ADGB: variants seen among roughly 807,000 people sequenced by gnomAD.
ADGB encodes the protein androglobin, also known as calpain-7-like protein.
Under a neutral mutation model 210.5 loss-of-function variants are expected in ADGB, and 172 were observed. The ratio of observed to expected loss-of-function variants is 0.82; its 90% CI spans 0.72 to 0.93. The LOEUF (loss-of-function observed/expected upper bound fraction) is 0.93, where lower values mean the gene tolerates loss of function less well. ADGB is among the 40% of genes least tolerant of loss of function. ADGB has a pLI of 0.00. For missense variants in ADGB, 2,025 were observed against 1,964.8 expected (o/e 1.03, Z -0.58); for synonymous variants, 658 against 662.7 (o/e 0.99, Z 0.11).
chr6:146,624,329 A>G (rs558467497), intron 1 of ADGB, among the ~76,000 whole-genome samples: 2 of 151,954 alleles, frequency 1.3e-5, no homozygotes, highest in Admixed American at 1.3e-4. Context: ...TATTTCATGG[A>G]ATTGATAACT....
intron 5 of ADGB, among the ~76,000 whole-genome samples, chr6:146,661,594 A>G (rs1775860118): frequency 6.6e-6 from 1 of 152,074 alleles, no homozygotes; most frequent in South Asian, 2.1e-4. Flanking sequence ...AAATTCAAAC[A>G]CAATATAAAA....
chr6:146,612,538 C>G (rs146999388), intron 1 of ADGB, among the ~76,000 whole-genome samples: 276 of 152,284 alleles, frequency 1.8e-3, no homozygotes, highest in Non-Finnish European at 2.7e-3. Flanking sequence ...TTCAGTTGTT[C>G]ACCTTGGCTC....
At chr6:146,697,040 G>T (rs1156738812) in intron 12 of ADGB, among the ~76,000 whole-genome samples, 1 of 152,042 alleles carries the variant, frequency 6.6e-6, no homozygotes, top group East Asian at 1.9e-4. Context: ...GTGGAAAACT[G>T]GGTGTGTCAC....
chr6:146,662,991 TATCTTA>T (rs1311249787), intron 5 of ADGB, among the ~76,000 whole-genome samples: 1 of 145,864 alleles, frequency 6.9e-6, no homozygotes, highest in African/African-American at 2.5e-5. Flanking sequence ...ATATAATATA[TATCTTA>T]ATCTTAATAA....
intron 27 of ADGB, among the ~76,000 whole-genome samples, chr6:146,758,204 T>TA (rs1354277070): frequency 3.3e-5 from 5 of 152,232 alleles, no homozygotes; most frequent in Admixed American, 3.3e-4. Context: ...TAAGACCATT[T>TA]ATCAGACATG....
chr6:146,783,601 C>T (rs962972780), intron 30 of ADGB, among the ~76,000 whole-genome samples: 5 of 152,162 alleles, frequency 3.3e-5, no homozygotes, highest in African/African-American at 9.7e-5. Flanking sequence ...AGTCAATTCT[C>T]ACCAGAATAT....
chr6:146,721,059 A>G (rs1172837877), intron 16 of ADGB, among the ~76,000 whole-genome samples: 1 of 152,004 alleles, frequency 6.6e-6, no homozygotes, highest in Non-Finnish European at 1.5e-5. Context: ...CCCATCAAAG[A>G]CCCATGCTTG....
intron 33 of ADGB, among the ~76,000 whole-genome samples, chr6:146,799,830 G>A (rs1265142112): frequency 6.6e-6 from 1 of 151,906 alleles, no homozygotes; most frequent in Non-Finnish European, 1.5e-5. Context: ...TGTTTTCTGA[G>A]ACAGAGTCTC....
intron 27 of ADGB, among the ~76,000 whole-genome samples, chr6:146,754,641 A>G (rs1777381829): frequency 3.3e-5 from 5 of 151,986 alleles, no homozygotes; most frequent in Admixed American, 3.3e-4. Context: ...TAACCTTAGC[A>G]TTTATAACAT....
chr6:146,765,390 A>G (rs544870946), intron 28 of ADGB, among the ~76,000 whole-genome samples: 5 of 152,012 alleles, frequency 3.3e-5, no homozygotes, highest in Non-Finnish European at 7.4e-5. Flanking sequence ...AGATATCTAT[A>G]TGGAACACTT....
At chr6:146,814,262 T>C (rs566363602) in intron 35 of ADGB, among the ~76,000 whole-genome samples, 1 of 152,346 alleles carries the variant, frequency 6.6e-6, no homozygotes, top group Non-Finnish European at 1.5e-5. Flanking sequence ...TAGAAGAGTC[T>C]TTTCAGACTA....
At chr6:146,703,488 G>A (rs1427004900) in intron 13 of ADGB, among the ~76,000 whole-genome samples, 4 of 151,706 alleles carry the variant, frequency 2.6e-5, no homozygotes, top group African/African-American at 9.7e-5. Flanking sequence ...CTGAAACTTT[G>A]TATCCTTTGA....
At position 146,746,241 on chromosome 6, in the gene ADGB, A is replaced by T; in HGVS notation, c.3365+132A>T. 4.5e-6 allele frequency: 3 copies of T among 667,128 alleles called. 1 individual carries two copies. The highest frequency in any genetic ancestry group is 4.3e-4 in the Middle Eastern group (1 of 2,342). 41.3% of individuals were successfully genotyped at this position (667,128 alleles called of 1,614,324 possible). A position where few individuals can be genotyped will look rare whatever the true frequency, so the allele number is the denominator to read the frequency against. On this transcript the variant is annotated intron_variant, in intron 26 of 35. Coordinates refer to ENST00000397944, the MANE Select transcript of ADGB (RefSeq NM_024694.4). ...TTCCATATTCTTTTTGGAAACAATT[A>T]ATTGAGTGTGATGTGATTATGTGGG...
At chr6:146,709,658 G>A (rs970746580) in intron 13 of ADGB, among the ~76,000 whole-genome samples, 1 of 152,176 alleles carries the variant, frequency 6.6e-6, no homozygotes, top group Admixed American at 6.5e-5. Context: ...AGGGTCTATT[G>A]GGTGGCCTGG....
Position 146,672,442 on chromosome 6 carries a change from T to C in ADGB, c.1062T>C (p.Pro354=), listed in dbSNP as rs1292695148. The C allele has an allele frequency of 3.9e-6, 6 of 1,544,998 alleles. No homozygotes were observed. The African/African-American group carries it at 8.3e-5, about 21-fold the overall frequency. The part of the protein sequence containing the change: ...PESSLTTLKA[P]EKSDKVPKEK... The stretch of plus-strand genomic sequence containing the variant: ...GTTCTTTGACAACACTAAAGGCTCC[T>C]GAGAAAAGCGACAAAGTTCCAAAGG... The change falls in exon 8 of 36, where the codon CCT becomes CCC. Residue 354 remains proline (P), a synonymous_variant. Coordinates refer to ENST00000397944, the MANE Select transcript of ADGB (RefSeq NM_024694.4).
At chr6:146,800,291 A>T (rs1778109129) in intron 33 of ADGB, among the ~76,000 whole-genome samples, 1 of 152,186 alleles carries the variant, frequency 6.6e-6, no homozygotes, top group Admixed American at 6.5e-5. Context: ...ACTCCTACTT[A>T]CATAAAATGT....
chr6:146,803,644 A>T, intron 35 of ADGB: 1 of 1,320,614 alleles, frequency 7.6e-7, no homozygotes, highest in South Asian at 1.2e-5. Flanking sequence ...TAGGAAGATC[A>T]ATGAAATGAT....
intron 1 of ADGB, among the ~76,000 whole-genome samples, chr6:146,604,859 T>G (rs563526386): frequency 6.6e-6 from 1 of 152,022 alleles, no homozygotes; most frequent in South Asian, 2.1e-4. Context: ...GGGGGTAGAG[T>G]AGAGGAATCA....
At position 146,687,442 on chromosome 6, in the gene ADGB, C is replaced by T. The variant is rs577456126; in HGVS notation, c.1311+1614C>T. On this transcript the variant is annotated intron_variant, in intron 10 of 35. Transcript: ENST00000397944. ...GAATAAAGAAAATATGGTACATATGCACCACGGAATACTACGCAGCCATAA... is the reference window on the plus strand; with the variant it reads ...GAATAAAGAAAATATGGTACATATGTACCACGGAATACTACGCAGCCATAA... Among the ~76,000 whole-genome samples, 49 of 152,214 alleles carry T rather than the reference C, an allele frequency of 3.2e-4. 2 individuals are homozygous for T. The South Asian group carries it at 9.7e-3, about 30-fold the overall frequency.
Sources: allele counts gnomAD v4.1 joint callset (sites outside exome capture counted in the v4.1 genomes callset), GRCh38; gene constraint gnomAD v4.1.1; transcripts MANE v1.5; gene names NCBI Gene and HGNC (gene_info 2026-07-23, HGNC 2026-07-21).